Variants in FHIT observed in about 807,000 individuals in gnomAD.
FHIT encodes fragile histidine triad diadenosine triphosphatase.
FHIT carries 19 observed loss-of-function variants against 17.9 expected under a neutral mutation model. That is an observed-to-expected ratio of 1.06 (90% CI 0.74 to 1.56). The LOEUF (loss-of-function observed/expected upper bound fraction) is 1.56, where lower values mean the gene tolerates loss of function less well. Among genes scored for constraint, FHIT ranks in the 40% most tolerant of loss-of-function variants. The pLI is 0.00. For missense variants in FHIT, 248 were observed against 189.2 expected (o/e 1.31, Z -1.82); for synonymous variants, 81 against 69.7 (o/e 1.16, Z -0.81).
intron 2 of FHIT, among the ~76,000 whole-genome samples, chr3:61,043,443 C>A (rs115824322): frequency 0.046 from 7,037 of 152,190 alleles, 186 homozygotes; most frequent in African/African-American, 0.054. Context: ...TCCATCATTG[C>A]TGAGGCTTGA....
chr3:60,337,824 G>C (rs1366474281), intron 5 of FHIT, among the ~76,000 whole-genome samples: 1 of 152,130 alleles, frequency 6.6e-6, no homozygotes, highest in Non-Finnish European at 1.5e-5. Context: ...TGGGGGACTG[G>C]AATGTCTGAA....
At chr3:61,196,074 C>A (rs1341146483) in intron 2 of FHIT, among the ~76,000 whole-genome samples, 2 of 151,660 alleles carry the variant, frequency 1.3e-5, no homozygotes, top group Non-Finnish European at 2.9e-5. Context: ...GCTGTGGGGA[C>A]CAGAAGTGGT....
In FHIT at chr3:60,116,425, A is replaced by G. The variant is rs371971774; in HGVS notation, c.104-102273T>C. Among the ~76,000 whole-genome samples the G allele has an allele frequency of 6.0e-4, 92 of 152,290 alleles. 1 individual carries two copies. Among genetic ancestry groups the G allele is most frequent in the African/African-American group, 2.1e-3 (88 of 41,574 alleles). On this transcript the variant is annotated intron_variant, in intron 5 of 9. Coordinates refer to ENST00000492590, the MANE Select transcript of FHIT (RefSeq NM_002012.4). The stretch of plus-strand genomic sequence containing the variant: ...CGATCCTCAGCCTTCAATAAAAATC[A>G]TAAAGCCCATCTTCAGAGCCCCTCT...
chr3:61,246,072 A>C (rs368604223), intron 1 of FHIT, among the ~76,000 whole-genome samples: 2 of 152,204 alleles, frequency 1.3e-5, no homozygotes, highest in Non-Finnish European at 2.9e-5. Flanking sequence ...CCTCACTGCT[A>C]TACTCCCTCC....
At chr3:60,596,086 ATTC>A (rs2038262055) in intron 4 of FHIT, 1 of 310,078 alleles carries the variant, frequency 3.2e-6, no homozygotes. Flanking sequence ...TGCTCTATTA[ATTC>A]TTCTTTCTTA....
chr3:61,179,073 C>T (rs945797014), intron 2 of FHIT, among the ~76,000 whole-genome samples: 8 of 141,580 alleles, frequency 5.7e-5, no homozygotes, highest in Non-Finnish European at 9.0e-5. Flanking sequence ...TGCAGCAGTG[C>T]GATCTTGGCT....
Position 60,096,077 on chromosome 3 carries a change from C to T in FHIT, c.104-81925G>A, listed in dbSNP as rs536073289. Among the ~76,000 whole-genome samples, 307 of 152,334 alleles carry T rather than the reference C, an allele frequency of 2.0e-3. 7 individuals are homozygous for T. The highest frequency in any genetic ancestry group is 1.7e-3 in the Non-Finnish European group (117 of 68,028). ...AGCCAGGGACCTCTGGCCAGTGACA[C>T]CCTGCCCAGGCCTCACTCGGCCATG... is the stretch of plus-strand genomic sequence containing the variant. On this transcript the variant is annotated intron_variant, in intron 5 of 9. Transcript: ENST00000492590.
intron 3 of FHIT, among the ~76,000 whole-genome samples, chr3:60,990,720 C>T (rs2030126979): frequency 6.6e-6 from 1 of 152,156 alleles, no homozygotes; most frequent in Non-Finnish European, 1.5e-5. Flanking sequence ...CGAGCATCTT[C>T]CACACATAAA....
At chr3:59,959,964 G>A (rs75645647) in intron 7 of FHIT, among the ~76,000 whole-genome samples, 1 of 152,078 alleles carries the variant, frequency 6.6e-6, no homozygotes, top group Non-Finnish European at 1.5e-5. Flanking sequence ...TGGAGGAAGG[G>A]AATATAAAGT....
At chr3:60,905,507 A>T (rs1312564166) in intron 3 of FHIT, among the ~76,000 whole-genome samples, 1 of 152,198 alleles carries the variant, frequency 6.6e-6, no homozygotes, top group African/African-American at 2.4e-5. Flanking sequence ...CTTCAACTGT[A>T]TGAAAAAACG....
At chr3:59,917,553 T>C (rs373282590) in intron 8 of FHIT, among the ~76,000 whole-genome samples, 35 of 152,174 alleles carry the variant, frequency 2.3e-4, no homozygotes, top group African/African-American at 5.6e-4. Flanking sequence ...GAAGGGCCCA[T>C]TGAGTTCAGG....
At chr3:60,047,288 G>T (rs781647681) in intron 5 of FHIT, among the ~76,000 whole-genome samples, 93 of 152,154 alleles carry the variant, frequency 6.1e-4, no homozygotes, top group Non-Finnish European at 6.8e-4. Flanking sequence ...GAGGTTAGTG[G>T]TCACACACAG....
At chr3:59,809,822 TC>T (rs750389600) in intron 8 of FHIT, among the ~76,000 whole-genome samples, 43 of 152,274 alleles carry the variant, frequency 2.8e-4, no homozygotes, top group Non-Finnish European at 5.3e-4. Context: ...AGGAGAACCT[TC>T]CCTCACATTG....
At chr3:61,011,522 G>A (rs554557260) in intron 3 of FHIT, among the ~76,000 whole-genome samples, 14 of 152,114 alleles carry the variant, frequency 9.2e-5, no homozygotes, top group Admixed American at 2.6e-4. Context: ...AGGCTGTTAC[G>A]TACCTTCATT....
At chr3:60,255,494 G>A (rs1705942121) in intron 5 of FHIT, among the ~76,000 whole-genome samples, 1 of 152,038 alleles carries the variant, frequency 6.6e-6, no homozygotes, top group Non-Finnish European at 1.5e-5. Context: ...GACAGAGCAA[G>A]CACCACCCGG....
At chr3:61,015,713 T>C (rs1218206907) in intron 3 of FHIT, among the ~76,000 whole-genome samples, 1 of 152,210 alleles carries the variant, frequency 6.6e-6, no homozygotes, top group Non-Finnish European at 1.5e-5. Flanking sequence ...TCTCTCTCTC[T>C]CTTTCCCTTC....
At chr3:60,179,041 G>C (rs999305966) in intron 5 of FHIT, among the ~76,000 whole-genome samples, 3 of 152,054 alleles carry the variant, frequency 2.0e-5, no homozygotes, top group Admixed American at 1.3e-4. Flanking sequence ...ACATACAGTA[G>C]GTTTGTAAAA....
intron 8 of FHIT, among the ~76,000 whole-genome samples, chr3:59,799,450 G>A (rs1233866003): frequency 1.3e-5 from 2 of 152,180 alleles, no homozygotes; most frequent in African/African-American, 4.8e-5. Context: ...CCCTAACAGG[G>A]ATGGAAGAAA....
At chr3:60,194,051 T>C (rs1702514734) in intron 5 of FHIT, among the ~76,000 whole-genome samples, 2 of 152,096 alleles carry the variant, frequency 1.3e-5, no homozygotes, top group Admixed American at 6.5e-5. Context: ...GCAATTCCTA[T>C]CAAAAAACCA....
Sources: gnomAD v4.1 joint callset for allele counts (sites outside exome capture counted in the v4.1 genomes callset) on GRCh38, gnomAD v4.1.1 for gene constraint, MANE v1.5 for transcripts, NCBI Gene and HGNC (gene_info 2026-07-23, HGNC 2026-07-21) for gene names.